Variants in PPARGC1A observed in about 807,000 individuals in gnomAD.
PPARGC1A encodes the protein PPARG coactivator 1 alpha, also known as peroxisome proliferator-activated receptor gamma coactivator 1-alpha.
Under a neutral mutation model 88.7 loss-of-function variants are expected in PPARGC1A, and 25 were observed. The ratio of observed to expected loss-of-function variants is 0.28; its 90% CI spans 0.21 to 0.39. The LOEUF (loss-of-function observed/expected upper bound fraction) is 0.39. PPARGC1A is among the 10% of genes least tolerant of loss of function. The pLI, the probability that PPARGC1A is intolerant of heterozygous loss-of-function variation, is 1.00. For missense variants in PPARGC1A, 880 were observed against 968.7 expected, an observed-to-expected ratio of 0.91 and a Z score of 1.22; for synonymous variants, 363 against 355.6, an observed-to-expected ratio of 1.02 and a Z score of -0.24.
chr4:24,172,520 G>A, the PPARGC1A span, among the ~76,000 whole-genome samples: 1 of 152,190 alleles, frequency 6.6e-6, no homozygotes, highest in African/African-American at 2.4e-5. Context: ...TCTCTCTAGA[G>A]TGGAGATTCC....
chr4:24,027,885 C>T, the PPARGC1A span, among the ~76,000 whole-genome samples: 6 of 152,260 alleles, frequency 3.9e-5, no homozygotes, highest in East Asian at 1.9e-4. Context: ...GATCAGTGCC[C>T]ATAATAATCA....
At chr4:24,079,969 C>T in the PPARGC1A span, among the ~76,000 whole-genome samples, 1 of 151,954 alleles carries the variant, frequency 6.6e-6, no homozygotes, top group Non-Finnish European at 1.5e-5. Context: ...ATTGCAATGT[C>T]TACTAGAGAA....
the PPARGC1A span, among the ~76,000 whole-genome samples, chr4:24,291,742 A>G: frequency 6.6e-6 from 1 of 152,234 alleles, no homozygotes; most frequent in Admixed American, 6.5e-5. Flanking sequence ...AATGGAGACC[A>G]GCAAAATGAA....
chr4:24,472,681 CGCCGCCGCT>C, the PPARGC1A span, among the ~76,000 whole-genome samples: 5 of 151,608 alleles, frequency 3.3e-5, no homozygotes, highest in Non-Finnish European at 7.4e-5. This position sits in a 1 kb window ranked among gnomAD's most constrained non-coding sequence, Gnocchi z 4.5. Context: ...CCGCCGCCGC[CGCCGCCGCT>C]GCCGCCTTCT....
the PPARGC1A span, among the ~76,000 whole-genome samples, chr4:24,157,861 T>C: frequency 2.0e-5 from 3 of 151,846 alleles, no homozygotes; most frequent in Non-Finnish European, 4.4e-5. Context: ...CAATTCTCCC[T>C]CTCTACTCTG....
chr4:23,983,002 A>C, the PPARGC1A span, among the ~76,000 whole-genome samples: 1 of 152,130 alleles, frequency 6.6e-6, no homozygotes, highest in Non-Finnish European at 1.5e-5. Context: ...CTCCTTTCAC[A>C]CTACAATGGC....
At chr4:24,355,665 T>C in the PPARGC1A span, among the ~76,000 whole-genome samples, 1 of 152,056 alleles carries the variant, frequency 6.6e-6, no homozygotes, top group Non-Finnish European at 1.5e-5. Flanking sequence ...GAAATGACCA[T>C]GTTAATGTAG....
upstream of PPARGC1A, among the ~76,000 whole-genome samples, chr4:23,893,991 G>A (rs1429657314): frequency 6.6e-6 from 1 of 152,126 alleles, no homozygotes; most frequent in Non-Finnish European, 1.5e-5. Flanking sequence ...TTATGATGGA[G>A]AAAAATAAGG....
chr4:23,883,448 C>T (rs1263162487), intron 2 of PPARGC1A: 1 of 152,160 alleles, frequency 6.6e-6, no homozygotes, highest in Admixed American at 6.5e-5. Flanking sequence ...GGCTGTCACC[C>T]AAATTCATGG....
At chr4:24,066,817 GT>G in the PPARGC1A span, among the ~76,000 whole-genome samples, 1 of 127,954 alleles carries the variant, frequency 7.8e-6, no homozygotes, top group Non-Finnish European at 1.7e-5. Flanking sequence ...GACTTCCATG[GT>G]TTTTTTGTTT....
the PPARGC1A span, among the ~76,000 whole-genome samples, chr4:24,444,206 T>A: frequency 6.6e-6 from 1 of 152,050 alleles, no homozygotes; most frequent in Non-Finnish European, 1.5e-5. Context: ...TTAATTTTTG[T>A]ATTTTTAATA....
the PPARGC1A span, among the ~76,000 whole-genome samples, chr4:24,178,228 A>G: frequency 6.6e-6 from 1 of 152,220 alleles, no homozygotes; most frequent in African/African-American, 2.4e-5. Context: ...AGTAAAATTG[A>G]ATCGATGCCT....
chr4:24,458,347 A>G, the PPARGC1A span, among the ~76,000 whole-genome samples: 1 of 152,134 alleles, frequency 6.6e-6, no homozygotes, highest in Admixed American at 6.6e-5. Context: ...AAAAAAATAC[A>G]AAAAGTAGCT....
At chr4:24,471,327 CACAG>C in the PPARGC1A span, among the ~76,000 whole-genome samples, 5 of 151,164 alleles carry the variant, frequency 3.3e-5, no homozygotes, top group Admixed American at 2.0e-4. The surrounding 1 kb of genome is among the most constrained non-coding windows in gnomAD (Gnocchi z 5.4). Context: ...CACACCCACA[CACAG>C]ACACACACCC....
At chr4:23,963,473 T>C in the PPARGC1A span, among the ~76,000 whole-genome samples, 1 of 152,204 alleles carries the variant, frequency 6.6e-6, no homozygotes, top group East Asian at 1.9e-4. Flanking sequence ...TTCATCTATG[T>C]ATAATTTCTG....
the PPARGC1A span, among the ~76,000 whole-genome samples, chr4:24,183,314 A>T: frequency 1.3e-5 from 2 of 152,208 alleles, no homozygotes; most frequent in Non-Finnish European, 2.9e-5. Flanking sequence ...ACTGAGGCAC[A>T]GGGTACTCAC....
At chr4:24,125,604 C>T in the PPARGC1A span, among the ~76,000 whole-genome samples, 1 of 152,082 alleles carries the variant, frequency 6.6e-6, no homozygotes, top group African/African-American at 2.4e-5. Context: ...ACTTCTTATG[C>T]CCTGTATTTG....
the PPARGC1A span, among the ~76,000 whole-genome samples, chr4:24,469,516 T>C: frequency 6.6e-6 from 1 of 152,202 alleles, no homozygotes; most frequent in African/African-American, 2.4e-5. Flanking sequence ...TTAAAGTTCA[T>C]ACCACACCAC....
chr4:24,294,153 CACTCAGGCTGA>C, the PPARGC1A span, among the ~76,000 whole-genome samples: 1 of 152,192 alleles, frequency 6.6e-6, no homozygotes, highest in South Asian at 2.1e-4. Flanking sequence ...AGCCTGAACA[CACTCAGGCTGA>C]ACTCAGGGGC....
Sources: gnomAD v4.1 joint callset for allele counts (sites outside exome capture counted in the v4.1 genomes callset) on GRCh38, gnomAD v4.1.1 for gene constraint, Gnocchi (gnomAD v3.1) non-coding constraint, MANE v1.5 for transcripts, NCBI Gene and HGNC (gene_info 2026-07-23, HGNC 2026-07-21) for gene names.